Variants in DPY19L1 observed in about 807,000 individuals in gnomAD.
DPY19L1 encodes dpy-19 like C-mannosyltransferase 1, also known as protein C-mannosyl-transferase DPY19L1.
Under a neutral mutation model 96.9 loss-of-function variants are expected in DPY19L1, and 35 were observed. That is an observed-to-expected ratio of 0.36 (90% CI 0.28 to 0.48). The LOEUF (loss-of-function observed/expected upper bound fraction) is 0.48, where lower values mean the gene tolerates loss of function less well. DPY19L1 is among the 20% of genes least tolerant of loss of function. The probability of loss-of-function intolerance (pLI) is 0.99; values close to 1 mark genes in which losing one functional copy is unlikely to be tolerated. For missense variants in DPY19L1, 521 were observed against 777.9 expected (o/e 0.67, Z 3.93); for synonymous variants, 205 against 252.6 (o/e 0.81, Z 1.79).
intron 13 of DPY19L1, among the ~76,000 whole-genome samples, chr7:34,951,207 T>C (rs1231660600): frequency 1.3e-5 from 2 of 152,090 alleles, no homozygotes; most frequent in African/African-American, 2.4e-5. Flanking sequence ...AATAGAAAAG[T>C]TGACAGTGTT....
At chr7:34,974,656 T>C (rs1784795928) in intron 7 of DPY19L1, among the ~76,000 whole-genome samples, 1 of 152,172 alleles carries the variant, frequency 6.6e-6, no homozygotes, top group Admixed American at 6.5e-5. Context: ...GTTAGTTTAT[T>C]AGATTAACTG....
chr7:35,012,014 T>A lies in DPY19L1; in HGVS notation c.550-564A>T, dbSNP rs1785722543. Among the ~76,000 whole-genome samples, 3 of 152,316 alleles carry A rather than the reference T, an allele frequency of 2.0e-5. No individual in the cohort carries two copies. In the South Asian group the frequency reaches 6.2e-4, roughly 32 times the overall value. ...CGGTGGCAAGCCACCCCAGATTCCC[T>A]CTTCCGGGCTGAGGCACTCATTCCT... On this transcript the variant is annotated intron_variant, in intron 4 of 21. Transcript: ENST00000638088.
At chr7:34,981,694 T>C (rs1266753957) in intron 7 of DPY19L1, among the ~76,000 whole-genome samples, 1 of 152,210 alleles carries the variant, frequency 6.6e-6, no homozygotes, top group Non-Finnish European at 1.5e-5. Flanking sequence ...CTCATGCCTG[T>C]AATCCCAACA....
At position 35,006,334 on chromosome 7, in the gene DPY19L1, A is replaced by G. The variant is rs185799320; in HGVS notation, c.764+4134T>C. On this transcript the variant is annotated intron_variant, in intron 6 of 21. Transcript: ENST00000638088. ...AAATCACACTAAAGTGCAAAGAATA[A>G]AAGTTTTAGTATCACCTGCTTGATA... 2.9e-3 allele frequency among the ~76,000 whole-genome samples: 442 copies of G among 152,334 alleles called. 3 individuals carry two copies. Among genetic ancestry groups the G allele is most frequent in the African/African-American group, 0.01 (435 of 41,582 alleles).
intron 6 of DPY19L1, among the ~76,000 whole-genome samples, chr7:35,006,284 A>T (rs928674385): frequency 5.9e-5 from 9 of 152,238 alleles, no homozygotes; most frequent in African/African-American, 9.6e-5. Flanking sequence ...TAACCTAGCT[A>T]ACCCCGAACT....
intron 21 of DPY19L1, among the ~76,000 whole-genome samples, chr7:34,934,316 G>A (rs1783819963): frequency 1.3e-5 from 2 of 152,072 alleles, no homozygotes; most frequent in Non-Finnish European, 2.9e-5. Context: ...ATGCTCTTGA[G>A]TTGTTTTTAC....
intron 7 of DPY19L1, among the ~76,000 whole-genome samples, chr7:34,985,754 A>C (rs1201542634): frequency 6.6e-6 from 1 of 152,012 alleles, no homozygotes; most frequent in Non-Finnish European, 1.5e-5. Context: ...ATTTTAGAAA[A>C]CTATGTAAGT....
chr7:34,968,431 T>C (rs1424262380), intron 9 of DPY19L1, among the ~76,000 whole-genome samples: 2 of 152,078 alleles, frequency 1.3e-5, no homozygotes, highest in African/African-American at 4.8e-5. Context: ...GAATTAGGAC[T>C]CAAATCCAAG....
chr7:34,990,095 C>T (rs1184377191), intron 6 of DPY19L1, among the ~76,000 whole-genome samples, 154 bp from the exon 7 acceptor site: 2 of 151,028 alleles, frequency 1.3e-5, no homozygotes, highest in East Asian at 3.9e-4. Flanking sequence ...AGTTTATTTC[C>T]TCCAAAAGAT....
intron 1 of DPY19L1, among the ~76,000 whole-genome samples, chr7:35,032,775 TAGAGAAGCCAAAA>T (rs2128684203): frequency 6.6e-6 from 1 of 152,252 alleles, no homozygotes; most frequent in South Asian, 2.1e-4. Context: ...TTTACCCAAT[TAGAGAAGCCAAAA>T]ATGTACAAAG....
At chr7:34,969,697 TACA>T (rs1485533117) in intron 8 of DPY19L1, among the ~76,000 whole-genome samples, 165 bp from the exon 9 acceptor site, 1 of 152,198 alleles carries the variant, frequency 6.6e-6, no homozygotes, top group Non-Finnish European at 1.5e-5. Context: ...GATACTCAAT[TACA>T]ACAATTTTCT....
intron 6 of DPY19L1, among the ~76,000 whole-genome samples, chr7:35,003,136 C>T (rs1451175374): frequency 2.0e-5 from 3 of 152,140 alleles, no homozygotes; most frequent in Admixed American, 2.0e-4. Context: ...AATACGAAAG[C>T]AAATAAACAC....
intron 19 of DPY19L1, 43 bp downstream of exon 19, chr7:34,940,110 C>A: frequency 3.5e-6 from 5 of 1,434,290 alleles, no homozygotes; most frequent in Non-Finnish European, 3.6e-6. Context: ...GTGGGAAAAA[C>A]AGCTAAATAA....
Position 34,949,408 on chromosome 7 carries a change from C to T in DPY19L1, c.1422+389G>A, listed in dbSNP as rs377685727. Among the ~76,000 whole-genome samples, 4 of 152,208 alleles carry T rather than the reference C, an allele frequency of 2.6e-5. No homozygotes were observed. In the East Asian group the frequency reaches 5.8e-4, roughly 22 times the overall value. On this transcript the variant is annotated intron_variant, in intron 14 of 21. Transcript: ENST00000638088. ...GAATACAGTTTTAGAAAGAAAAATG[C>T]TGTTGGAATGAAAAGCTTGGACTTG... is the stretch of plus-strand genomic sequence containing the variant.
At chr7:34,991,669 G>C (rs1785171364) in intron 6 of DPY19L1, among the ~76,000 whole-genome samples, 1 of 151,990 alleles carries the variant, frequency 6.6e-6, no homozygotes, top group Non-Finnish European at 1.5e-5. Context: ...GTTTATAGGG[G>C]AAAAAAAGTG....
At chr7:35,015,891 TA>T (rs1478343961) in intron 3 of DPY19L1, among the ~76,000 whole-genome samples, 2 of 152,252 alleles carry the variant, frequency 1.3e-5, no homozygotes, top group Non-Finnish European at 2.9e-5. Context: ...AAGAAAATCT[TA>T]AACTCTTTTC....
chr7:34,975,208 C>T (rs1172059949), intron 7 of DPY19L1, among the ~76,000 whole-genome samples: 2 of 152,118 alleles, frequency 1.3e-5, no homozygotes, highest in African/African-American at 2.4e-5. Context: ...TGTCAAAAGC[C>T]GAGAGAGGCC....
At chr7:35,020,634 T>C (rs1355114122) in intron 1 of DPY19L1, among the ~76,000 whole-genome samples, 1 of 152,202 alleles carries the variant, frequency 6.6e-6, no homozygotes, top group Non-Finnish European at 1.5e-5. Context: ...TATTTTGCAA[T>C]GTATTTATTT....
rs1584200249 is a variant in DPY19L1 at position 34,939,812 on chromosome 7, A to G, written c.1864+341T>C. On this transcript the variant is annotated intron_variant, in intron 19 of 21. Coordinates refer to ENST00000638088, the MANE Select transcript of DPY19L1 (RefSeq NM_001366673.1). ...TGTCACATTCCATGAGTTTATTTCA[A>G]GAAGGAATGTGAAGGACTAATATTA... 3.9e-5 allele frequency among the ~76,000 whole-genome samples: 6 copies of G among 152,356 alleles called. No individual in the cohort carries two copies. In the South Asian group the frequency reaches 1.0e-3, roughly 26 times the overall value.
Sources: gnomAD v4.1 joint callset for allele counts (sites outside exome capture counted in the v4.1 genomes callset) on GRCh38, gnomAD v4.1.1 for gene constraint, MANE v1.5 for transcripts, NCBI Gene and HGNC (gene_info 2026-07-23, HGNC 2026-07-21) for gene names.